The following TENM2 variants were observed in gnomAD, a reference collection of about 807,000 sequenced individuals.
TENM2 encodes teneurin-2.
TENM2 carries 52 observed loss-of-function variants against 245.2 expected under a neutral mutation model. The ratio of observed to expected loss-of-function variants is 0.21; its 90% CI spans 0.17 to 0.27. TENM2 has a LOEUF of 0.27. Among genes scored for constraint, TENM2 ranks in the 10% least tolerant of loss-of-function variants. The probability of loss-of-function intolerance (pLI) is 1.00; values close to 1 mark genes in which losing one functional copy is unlikely to be tolerated. For missense variants in TENM2, 3,046 were observed against 3,666.8 expected (o/e 0.83, Z 4.37); for synonymous variants, 1,363 against 1,438.9 (o/e 0.95, Z 1.19).
At chr5:168,057,202 G>A (rs1789619978) in intron 6 of TENM2, among the ~76,000 whole-genome samples, 1 of 152,050 alleles carries the variant, frequency 6.6e-6, no homozygotes, top group Non-Finnish European at 1.5e-5. Flanking sequence ...GATATCTTCT[G>A]TTAAATAAAT....
chr5:167,147,397 G>A, the TENM2 span, among the ~76,000 whole-genome samples: 4 of 152,068 alleles, frequency 2.6e-5, no homozygotes, highest in Admixed American at 2.0e-4. Flanking sequence ...TTTTTTGTGG[G>A]TATTCGGATG....
At chr5:167,228,518 T>C in the TENM2 span, among the ~76,000 whole-genome samples, 3 of 152,112 alleles carry the variant, frequency 2.0e-5, no homozygotes, top group Non-Finnish European at 4.4e-5. Flanking sequence ...CTGAATTGTC[T>C]TTTATCTCAC....
intron 5 of TENM2, among the ~76,000 whole-genome samples, chr5:168,041,689 A>G (rs1788203957): frequency 6.6e-6 from 1 of 152,232 alleles, no homozygotes; most frequent in South Asian, 2.1e-4. Context: ...TGTAGGTTCC[A>G]TGACAGCAAG....
At chr5:167,977,449 T>A (rs1782524224) in intron 4 of TENM2, among the ~76,000 whole-genome samples, 1 of 152,166 alleles carries the variant, frequency 6.6e-6, no homozygotes, top group South Asian at 2.1e-4. Context: ...ATATAATACA[T>A]CAAATAAAAT....
chr5:168,190,120 C>G (rs1760819029), intron 13 of TENM2, among the ~76,000 whole-genome samples: 1 of 152,192 alleles, frequency 6.6e-6, no homozygotes, highest in Admixed American at 6.5e-5. Context: ...ATGAGGATAA[C>G]CATTTGTCAA....
chr5:168,022,942 A>G (rs1786288491), intron 5 of TENM2, among the ~76,000 whole-genome samples: 1 of 152,112 alleles, frequency 6.6e-6, no homozygotes, highest in Admixed American at 6.5e-5. Context: ...TATCTAGGCA[A>G]GGGTGCGTGT....
rs376405928 is a variant in TENM2 at position 167,832,581 on chromosome 5, G to GTGGA, written c.503-43392_503-43389dup. 2.3e-3 allele frequency among the ~76,000 whole-genome samples: 346 copies of GTGGA among 152,252 alleles called. 3 individuals are homozygous for GTGGA. Among genetic ancestry groups the GTGGA allele is most frequent in the African/African-American group, 7.4e-3 (306 of 41,538 alleles). ...TGCATGTTAGCATATATGTGCAAGTGTGGATGGATGGATGGAGGCAGGGAT... is the reference window on the plus strand; with the variant it reads ...TGCATGTTAGCATATATGTGCAAGTGTGGATGGATGGATGGATGGAGGCAGGGAT... On this transcript the variant is annotated intron_variant, in intron 2 of 28. Transcript: ENST00000518659.
intron 6 of TENM2, among the ~76,000 whole-genome samples, chr5:168,056,535 G>A (rs531375954): frequency 6.6e-6 from 1 of 152,186 alleles, no homozygotes; most frequent in African/African-American, 2.4e-5. Context: ...GATTATAATG[G>A]AGCTGAAAAA....
chr5:167,153,827 C>G, the TENM2 span, among the ~76,000 whole-genome samples: 1 of 151,910 alleles, frequency 6.6e-6, no homozygotes. Context: ...ACAGAAAAAC[C>G]TTTGTCACAA....
rs879666773 is a variant in TENM2, at chr5:167,894,985, GGAA to G, written c.712+18792_712+18794del. Among the ~76,000 whole-genome samples the G allele has an allele frequency of 1.5e-3, 207 of 135,866 alleles. 1 individual carries two copies. The highest frequency in any genetic ancestry group is 2.7e-3 in the Admixed American group (37 of 13,620). The allele number at this position is 135,866 out of a possible 152,430, so 89.1% of individuals were successfully genotyped here. A position where few individuals can be genotyped will look rare whatever the true frequency, so the allele number is the denominator to read the frequency against. On this transcript the variant is annotated intron_variant, in intron 3 of 28. Coordinates refer to ENST00000518659, the Ensembl canonical transcript of TENM2. ...AGGAAGGAAGGAAGGAAGGAAGGAA[GGAA>G]GGAGGGAAGGAAGGAAGGAAGGGAG... is the stretch of plus-strand genomic sequence containing the variant.
chr5:167,543,175 G>C (rs1772326491), intron 2 of TENM2, among the ~76,000 whole-genome samples: 1 of 152,112 alleles, frequency 6.6e-6, no homozygotes, highest in Non-Finnish European at 1.5e-5. Flanking sequence ...AGAGAGCATC[G>C]GAGGGGGTGG....
chr5:167,537,346 A>G (rs955763683), intron 2 of TENM2, among the ~76,000 whole-genome samples: 3 of 152,130 alleles, frequency 2.0e-5, no homozygotes, highest in Non-Finnish European at 4.4e-5. Flanking sequence ...ATAAATTACT[A>G]TATAAAGTGT....
At chr5:168,211,914 C>T (rs1419524564) in intron 20 of TENM2, among the ~76,000 whole-genome samples, 160 bp downstream of exon 22, 1 of 152,062 alleles carries the variant, frequency 6.6e-6, no homozygotes, top group African/African-American at 2.4e-5. Context: ...ATATGATAAG[C>T]TTTAGCAATT....
chr5:168,173,039 TCTC>T (rs1484499239), intron 13 of TENM2, among the ~76,000 whole-genome samples: 2 of 152,244 alleles, frequency 1.3e-5, no homozygotes, highest in East Asian at 3.9e-4. Context: ...CCAAGGTGAT[TCTC>T]CTCCTCTGCC....
intron 12 of TENM2, among the ~76,000 whole-genome samples, chr5:168,135,396 G>A (rs188969321): frequency 1.4e-4 from 21 of 152,046 alleles, no homozygotes; most frequent in South Asian, 1.2e-3. Flanking sequence ...TCTATTTCAC[G>A]AGCTCTTCTT....
At chr5:168,191,339 G>A (rs1181893325) in intron 14 of TENM2, among the ~76,000 whole-genome samples, 2 of 152,158 alleles carry the variant, frequency 1.3e-5, no homozygotes, top group Admixed American at 6.5e-5. Context: ...TATGCACTAC[G>A]TATGATTCTG....
intron 2 of TENM2, among the ~76,000 whole-genome samples, chr5:167,859,491 C>T (rs1367290669): frequency 6.2e-3 from 515 of 83,666 alleles, no homozygotes; most frequent in Middle Eastern, 9.6e-3. Context: ...CCAGCCACCC[C>T]GTCCGGGAGG....
intron 2 of TENM2, among the ~76,000 whole-genome samples, chr5:167,486,305 T>C (rs993091678): frequency 2.0e-5 from 3 of 151,836 alleles, no homozygotes; most frequent in African/African-American, 7.3e-5. Context: ...AGTTATTATT[T>C]TTGCCATTTC....
chr5:167,416,405 G>T (rs1190778177), intron 2 of TENM2, among the ~76,000 whole-genome samples: 2 of 152,116 alleles, frequency 1.3e-5, no homozygotes, highest in African/African-American at 4.8e-5. Context: ...AACATTGCTG[G>T]GGTTGTTTTG....
Sources: allele counts gnomAD v4.1 joint callset (sites outside exome capture counted in the v4.1 genomes callset), GRCh38; gene constraint gnomAD v4.1.1; transcripts MANE v1.5; gene names NCBI Gene and HGNC (gene_info 2026-07-23, HGNC 2026-07-21).